The following GPAT3 variants were observed in gnomAD, a reference collection of about 807,000 sequenced individuals.
GPAT3 encodes the protein 1-AGP acyltransferase 9.
GPAT3 carries 53 observed loss-of-function variants against 58.8 expected under a neutral mutation model. The observed-to-expected ratio is 0.90, with a 90% confidence interval of 0.72 to 1.13. GPAT3 has a LOEUF of 1.13. Among genes scored for constraint, GPAT3 ranks in the 50% most tolerant of loss-of-function variants. The probability of loss-of-function intolerance (pLI) is 0.00; values close to 1 mark genes in which losing one functional copy is unlikely to be tolerated. For synonymous variants in GPAT3, 197 were observed against 187.4 expected (o/e 1.05, Z -0.42); for missense variants, 511 against 527.6 (o/e 0.97, Z 0.31).
At chr4:83,564,469 C>A (rs189780233) in intron 2 of GPAT3, among the ~76,000 whole-genome samples, 1 of 151,976 alleles carries the variant, frequency 6.6e-6, no homozygotes, top group Non-Finnish European at 1.5e-5. Context: ...GAGGCTGAGG[C>A]GGGAGGATAG....
chr4:83,547,853 CTT>C (rs10536598), intron 2 of GPAT3, among the ~76,000 whole-genome samples: 45,409 of 132,870 alleles, frequency 0.34, 7,194 homozygotes, highest in African/African-American at 0.41. Flanking sequence ...TTCTTCTTCC[CTT>C]TTTTTTTTTT....
At chr4:83,567,696 G>C (rs929308322) in intron 2 of GPAT3, among the ~76,000 whole-genome samples, 2 of 152,140 alleles carry the variant, frequency 1.3e-5, no homozygotes, top group Non-Finnish European at 2.9e-5. Context: ...ACTTTGGGAG[G>C]CTGAGGCGGG....
At chr4:83,557,726 A>G (rs2110079868) in intron 2 of GPAT3, among the ~76,000 whole-genome samples, 1 of 152,282 alleles carries the variant, frequency 6.6e-6, no homozygotes, top group African/African-American at 2.4e-5. Context: ...TGGAGGATAG[A>G]TAGGGGTTCT....
intron 2 of GPAT3, among the ~76,000 whole-genome samples, chr4:83,554,226 C>T (rs1016851894): frequency 6.6e-6 from 1 of 152,146 alleles, no homozygotes; most frequent in Non-Finnish European, 1.5e-5. Context: ...CTCTTGGGCT[C>T]AAGTGATGCT....
intron 2 of GPAT3, among the ~76,000 whole-genome samples, chr4:83,551,787 A>C (rs1027103774): frequency 7.5e-6 from 1 of 133,970 alleles, no homozygotes; most frequent in Admixed American, 7.7e-5. Flanking sequence ...GTGAGACTCC[A>C]TCTCGGAAAA....
intron 2 of GPAT3, among the ~76,000 whole-genome samples, chr4:83,555,439 CT>C (rs764358620): frequency 6.6e-6 from 1 of 152,034 alleles, no homozygotes; most frequent in Non-Finnish European, 1.5e-5. Context: ...TCCATAAAAA[CT>C]AAAAAATACA....
chr4:83,598,751 C>CTT lies in GPAT3; in HGVS notation c.1205+63_1205+64dup, dbSNP rs70965361. 8.4e-3 allele frequency: 1,275 copies of CTT among 152,332 alleles called. 244 individuals are homozygous for CTT. The highest frequency in any genetic ancestry group is 0.015 in the Middle Eastern group (10 of 664). The allele number at this position is 152,332 out of a possible 1,614,324, so 9.4% of individuals were successfully genotyped here. On this transcript the variant is annotated intron_variant, in intron 11 of 11. Transcript: ENST00000264409. ...AAGAGAACTTTCAGAAGTACTATCA[C>CTT]TTTTTTTTTTTTTTTTTTTTTTTTT...
intron 4 of GPAT3, among the ~76,000 whole-genome samples, chr4:83,587,928 G>A (rs974337618): frequency 3.3e-5 from 5 of 152,120 alleles, no homozygotes; most frequent in Non-Finnish European, 2.9e-5. Context: ...GACCAAAGAA[G>A]CTTCACTTTA....
intron 5 of GPAT3, among the ~76,000 whole-genome samples, chr4:83,589,200 T>C (rs1198487762): frequency 6.6e-6 from 1 of 152,206 alleles, no homozygotes; most frequent in Non-Finnish European, 1.5e-5. Context: ...AAAGAGGAGT[T>C]CCTAACTTCT....
At chr4:83,565,641 A>G (rs1247244675) in intron 2 of GPAT3, among the ~76,000 whole-genome samples, 1 of 152,094 alleles carries the variant, frequency 6.6e-6, no homozygotes, top group Admixed American at 6.6e-5. Context: ...GATTACAGGC[A>G]CCTGCCATCA....
At chr4:83,593,117 T>C (rs551735823) in intron 6 of GPAT3, among the ~76,000 whole-genome samples, 1 of 150,832 alleles carries the variant, frequency 6.6e-6, no homozygotes, top group South Asian at 2.1e-4. Context: ...TCCACCCACC[T>C]TGGCCTCCCA....
At chr4:83,595,896 T>G (rs1230090885) in intron 7 of GPAT3, among the ~76,000 whole-genome samples, 1 of 152,178 alleles carries the variant, frequency 6.6e-6, no homozygotes, top group Admixed American at 6.5e-5. Context: ...ACTCTTAATA[T>G]AATGAAAAGT....
chr4:83,598,945 A>G (rs984618811), intron 11 of GPAT3, among the ~76,000 whole-genome samples: 6 of 151,558 alleles, frequency 4.0e-5, no homozygotes, highest in African/African-American at 1.5e-4. Flanking sequence ...GCTTGCCACT[A>G]TGCCCAGCTA....
intron 11 of GPAT3, among the ~76,000 whole-genome samples, chr4:83,602,004 A>G (rs1195866525): frequency 6.6e-6 from 1 of 152,244 alleles, no homozygotes; most frequent in Non-Finnish European, 1.5e-5. Context: ...AAACATTTGT[A>G]TTACACTGTC....
At chr4:83,535,812 C>A (rs1724054724), upstream of GPAT3, 2 of 985,422 alleles carry the variant, frequency 2.0e-6, no homozygotes, top group Non-Finnish European at 2.4e-6. Flanking sequence ...TCCTTGGAAG[C>A]CCTTTCCAAG....
Position 83,583,052 on chromosome 4 carries a change from C to T in GPAT3, c.479+1220C>T, listed in dbSNP as rs1055946893. Among the ~76,000 whole-genome samples the T allele has an allele frequency of 3.3e-5, 5 of 152,254 alleles. No individual in the cohort carries two copies. In the South Asian group the frequency reaches 6.2e-4, roughly 19 times the overall value. On this transcript the variant is annotated intron_variant, in intron 3 of 11. Transcript: ENST00000264409. Reference sequence around the variant, plus strand: ...GTGGCTCACGCCTGTAATCCCAGCACTTTGGGAGGCCGAGGTGGGCGGATC... The same window carrying T: ...GTGGCTCACGCCTGTAATCCCAGCATTTTGGGAGGCCGAGGTGGGCGGATC...
intron 11 of GPAT3, among the ~76,000 whole-genome samples, chr4:83,600,026 T>C (rs1726996738): frequency 6.6e-6 from 1 of 152,170 alleles, no homozygotes; most frequent in Non-Finnish European, 1.5e-5. Context: ...TATCTTAATA[T>C]TTTCAGACCA....
intron 2 of GPAT3, among the ~76,000 whole-genome samples, chr4:83,549,708 A>ATTTT (rs1724681167): frequency 7.9e-6 from 1 of 125,874 alleles, no homozygotes. Context: ...ATTTTTGTAT[A>ATTTT]TATTTATTAT....
intron 11 of GPAT3, among the ~76,000 whole-genome samples, chr4:83,602,340 T>C (rs1334882952): frequency 1.3e-5 from 2 of 152,136 alleles, no homozygotes; most frequent in Non-Finnish European, 2.9e-5. Context: ...AATTGTCCAG[T>C]GTCCTTTTTT....
Sources: gnomAD v4.1 joint callset for allele counts (sites outside exome capture counted in the v4.1 genomes callset) on GRCh38, gnomAD v4.1.1 for gene constraint, MANE v1.5 for transcripts, NCBI Gene and HGNC (gene_info 2026-07-23, HGNC 2026-07-21) for gene names.